Variants in DGKB observed in about 807,000 individuals in gnomAD.
DGKB encodes the protein 90 kDa diacylglycerol kinase.
In DGKB, 67 loss-of-function variants were observed where a neutral mutation model predicts 114.3. The observed-to-expected ratio is 0.59, with a 90% CI of 0.48 to 0.72. The LOEUF (loss-of-function observed/expected upper bound fraction) is 0.72. Among genes scored for constraint, DGKB ranks in the 30% least tolerant of loss-of-function variants. DGKB has a pLI of 0.00. For missense variants in DGKB, 907 were observed against 975.2 expected, an observed-to-expected ratio of 0.93 and a Z score of 0.93; for synonymous variants, 398 against 323.1, an observed-to-expected ratio of 1.23 and a Z score of -2.49.
chr7:14,316,533 G>C (rs1489124555), intron 23 of DGKB, among the ~76,000 whole-genome samples: 1 of 130,002 alleles, frequency 7.7e-6, no homozygotes, highest in Non-Finnish European at 1.6e-5. Flanking sequence ...AGAAAATCTA[G>C]AAGAAATGGA....
chr7:14,496,073 A>G (rs1785264170), intron 20 of DGKB, among the ~76,000 whole-genome samples: 1 of 151,880 alleles, frequency 6.6e-6, no homozygotes, highest in Non-Finnish European at 1.5e-5. Context: ...AGAGGTACCC[A>G]TTATTGTAGA....
intron 17 of DGKB, among the ~76,000 whole-genome samples, chr7:14,594,917 C>G (rs551179251): frequency 6.6e-6 from 1 of 152,196 alleles, no homozygotes. Flanking sequence ...GTAACTGCAA[C>G]TATGTACTAG....
At chr7:14,251,606 A>C (rs1795246715) in intron 23 of DGKB, among the ~76,000 whole-genome samples, 1 of 151,900 alleles carries the variant, frequency 6.6e-6, no homozygotes, top group Non-Finnish European at 1.5e-5. Flanking sequence ...TTTATTTTTT[A>C]CTTTCGTATG....
intron 20 of DGKB, among the ~76,000 whole-genome samples, chr7:14,539,057 A>G (rs1411679215): frequency 6.6e-6 from 1 of 152,144 alleles, no homozygotes; most frequent in Non-Finnish European, 1.5e-5. Flanking sequence ...AATTGGACCA[A>G]TTACAAAATT....
intron 21 of DGKB, among the ~76,000 whole-genome samples, chr7:14,394,103 A>C (rs909233333): frequency 3.9e-4 from 60 of 152,322 alleles, no homozygotes; most frequent in Admixed American, 2.6e-4. Context: ...GAAAAGATCA[A>C]TTAGGTCATT....
At chr7:14,301,708 C>T (rs1423206570) in intron 23 of DGKB, among the ~76,000 whole-genome samples, 1 of 152,134 alleles carries the variant, frequency 6.6e-6, no homozygotes, top group Non-Finnish European at 1.5e-5. Flanking sequence ...CACACATACA[C>T]ACACATTTGA....
intron 23 of DGKB, among the ~76,000 whole-genome samples, chr7:14,271,374 ATCT>A (rs1798247924): frequency 6.6e-6 from 1 of 152,170 alleles, no homozygotes; most frequent in South Asian, 2.1e-4. Flanking sequence ...AGACCAAAGC[ATCT>A]TAAAGGTCCC....
At position 14,936,043 on chromosome 7, in the gene DGKB, G is replaced by A. The variant is rs114548340; in HGVS notation, c.-188+38653C>T. ...GCTAATCAGAGGATGTTGACTATGAGTCTCAGAAAGAAGAAACTAAGATGC... is the reference window on the plus strand; with the variant it reads ...GCTAATCAGAGGATGTTGACTATGAATCTCAGAAAGAAGAAACTAAGATGC... On this transcript the variant is annotated intron_variant, in intron 1 of 4. Transcript: ENST00000437998. 2.8e-3 allele frequency among the ~76,000 whole-genome samples: 426 copies of A among 152,240 alleles called. 2 individuals carry two copies. Among genetic ancestry groups the A allele is most frequent in the African/African-American group, 9.6e-3 (397 of 41,558 alleles).
chr7:14,307,429 T>C (rs1282571729), intron 23 of DGKB, among the ~76,000 whole-genome samples: 1 of 152,206 alleles, frequency 6.6e-6, no homozygotes, highest in Non-Finnish European at 1.5e-5. Flanking sequence ...CTAAGCATAT[T>C]AATTGAATAG....
chr7:14,157,366 C>T (rs1783168176), intron 25 of DGKB, among the ~76,000 whole-genome samples: 2 of 105,166 alleles, frequency 1.9e-5, no homozygotes, highest in African/African-American at 7.0e-5. Flanking sequence ...TTCTAAAATC[C>T]TTTTGCCAGT....
At chr7:14,227,088 A>G (rs1380464748) in intron 23 of DGKB, among the ~76,000 whole-genome samples, 1 of 152,060 alleles carries the variant, frequency 6.6e-6, no homozygotes, top group Non-Finnish European at 1.5e-5. Flanking sequence ...CCATCCAGAA[A>G]GGATATGTGA....
intron 20 of DGKB, among the ~76,000 whole-genome samples, chr7:14,562,940 G>A (rs1322687575): frequency 6.6e-6 from 1 of 152,144 alleles, no homozygotes; most frequent in Non-Finnish European, 1.5e-5. Flanking sequence ...ATATGGTTTG[G>A]CTGTGTCCCC....
chr7:14,857,258 T>TTGTGTGTGTGTGTGTGTGTGTGTC, intron 1 of DGKB, among the ~76,000 whole-genome samples: 2 of 138,356 alleles, frequency 1.4e-5, no homozygotes, highest in East Asian at 4.9e-4. Context: ...CTGTGTGTGT[T>TTGTGTGTGTGTGTGTGTGTGTGTC]TGTGTGTGTG....
intron 1 of DGKB, among the ~76,000 whole-genome samples, chr7:14,886,105 A>AT (rs1855009573): frequency 6.6e-6 from 1 of 151,944 alleles, no homozygotes; most frequent in South Asian, 2.1e-4. Flanking sequence ...TTAAGAATAC[A>AT]GTTGAGTGAA....
At chr7:14,156,321 T>C (rs1783013792) in intron 25 of DGKB, among the ~76,000 whole-genome samples, 1 of 152,132 alleles carries the variant, frequency 6.6e-6, no homozygotes, top group African/African-American at 2.4e-5. Context: ...GATATTTAAG[T>C]AGTCATTCAT....
chr7:14,967,066 T>A (rs1269641002), intron 1 of DGKB, among the ~76,000 whole-genome samples: 1 of 152,156 alleles, frequency 6.6e-6, no homozygotes, highest in African/African-American at 2.4e-5. Flanking sequence ...TTTAGTGAAA[T>A]GGTTTATGGT....
chr7:14,679,532 C>A (rs1296995699), intron 12 of DGKB, among the ~76,000 whole-genome samples: 2 of 151,994 alleles, frequency 1.3e-5, no homozygotes, highest in East Asian at 1.9e-4. Context: ...TTTGGACAAA[C>A]CCTGAAAGAA....
At chr7:14,937,243 G>GT (rs1328142227) in intron 1 of DGKB, among the ~76,000 whole-genome samples, 1 of 151,510 alleles carries the variant, frequency 6.6e-6, no homozygotes, top group African/African-American at 2.4e-5. Context: ...ATATAGGTTG[G>GT]TTTTTTTAAG....
chr7:14,376,032 G>A (rs565703532), intron 21 of DGKB, among the ~76,000 whole-genome samples: 3 of 152,316 alleles, frequency 2.0e-5, no homozygotes, highest in East Asian at 3.9e-4. Flanking sequence ...CATGCAAATT[G>A]TATACAGGTA....
Sources: gnomAD v4.1 joint callset for allele counts (sites outside exome capture counted in the v4.1 genomes callset) on GRCh38, gnomAD v4.1.1 for gene constraint, MANE v1.5 for transcripts, NCBI Gene and HGNC (gene_info 2026-07-23, HGNC 2026-07-21) for gene names.